PCDH9: variants seen among roughly 807,000 people sequenced by gnomAD.
The protein encoded by PCDH9 is protocadherin-9.
PCDH9 carries 24 observed loss-of-function variants against 70.6 expected under a neutral mutation model. The ratio of observed to expected loss-of-function variants is 0.34; its 90% CI spans 0.25 to 0.48. The LOEUF is 0.48. Ranked by LOEUF, PCDH9 falls within the 20% of genes least tolerant of loss-of-function variation. The probability of loss-of-function intolerance (pLI) is 0.99; values close to 1 mark genes in which losing one functional copy is unlikely to be tolerated. For synonymous variants in PCDH9, 562 were observed against 558.5 expected, an observed-to-expected ratio of 1.01 and a Z score of -0.09; for missense variants, 1,281 against 1,503.6, an observed-to-expected ratio of 0.85 and a Z score of 2.45.
intron 3 of PCDH9, among the ~76,000 whole-genome samples, chr13:66,806,171 C>T (rs1357693711): frequency 2.0e-5 from 3 of 152,042 alleles, no homozygotes; most frequent in African/African-American, 7.2e-5. Context: ...AACCTTCCAG[C>T]TAAAAATATG....
chr13:66,904,006 G>A (rs1053003724), intron 2 of PCDH9, among the ~76,000 whole-genome samples: 4 of 151,728 alleles, frequency 2.6e-5, no homozygotes, highest in African/African-American at 9.7e-5. Flanking sequence ...TCCACTTAAG[G>A]AAGAGGAGAC....
intron 3 of PCDH9, among the ~76,000 whole-genome samples, chr13:66,869,453 G>A (rs1032913250): frequency 3.9e-5 from 6 of 152,042 alleles, no homozygotes; most frequent in Admixed American, 2.6e-4. Flanking sequence ...AATTTCCTAA[G>A]GTTTTACACC....
At chr13:66,931,865 T>C (rs889811629) in intron 2 of PCDH9, among the ~76,000 whole-genome samples, 15 of 152,102 alleles carry the variant, frequency 9.9e-5, no homozygotes, top group Admixed American at 3.3e-4. Context: ...AAAACACTTA[T>C]GTTGCAAAGT....
chr13:67,067,857 G>A (rs1023994112), intron 2 of PCDH9, among the ~76,000 whole-genome samples: 2 of 151,952 alleles, frequency 1.3e-5, no homozygotes, highest in Non-Finnish European at 2.9e-5. Flanking sequence ...TCAGGTATAT[G>A]TAAGTGTTCT....
rs191790858 is a variant in PCDH9, at chr13:66,442,510, T to C, written c.3341-137482A>G. Among the ~76,000 whole-genome samples the C allele has an allele frequency of 2.0e-3, 310 of 152,192 alleles. 1 individual carries two copies. Among genetic ancestry groups the C allele is most frequent in the African/African-American group, 7.2e-3 (300 of 41,540 alleles). ...TTCTTTTCATAGAAAAAGGATACAA[T>C]GGAATAAATCTATGATGATAAAAAA... On this transcript the variant is annotated intron_variant, in intron 4 of 4. Transcript: ENST00000377865.
chr13:66,410,090 T>C (rs1264462107), intron 4 of PCDH9, among the ~76,000 whole-genome samples: 1 of 152,048 alleles, frequency 6.6e-6, no homozygotes, highest in African/African-American at 2.4e-5. Context: ...GTAACAAATA[T>C]AACAGTCAAG....
chr13:67,009,780 T>G (rs1416875017), intron 2 of PCDH9, among the ~76,000 whole-genome samples: 1 of 152,026 alleles, frequency 6.6e-6, no homozygotes, highest in East Asian at 1.9e-4. Context: ...ATACTTCGCA[T>G]TTAGTTAAGT....
At chr13:66,725,048 T>G (rs2078988303) in intron 3 of PCDH9, among the ~76,000 whole-genome samples, 1 of 152,112 alleles carries the variant, frequency 6.6e-6, no homozygotes, top group African/African-American at 2.4e-5. Context: ...AAATTCACAC[T>G]CAGAAATTTA....
At chr13:66,747,782 T>G (rs973219881) in intron 3 of PCDH9, among the ~76,000 whole-genome samples, 1 of 152,178 alleles carries the variant, frequency 6.6e-6, no homozygotes, top group Admixed American at 6.5e-5. Context: ...AGCACACATA[T>G]GTATATATAA....
intron 2 of PCDH9, among the ~76,000 whole-genome samples, chr13:67,053,424 G>A (rs1259864255): frequency 1.3e-5 from 2 of 152,164 alleles, no homozygotes; most frequent in Non-Finnish European, 2.9e-5. Flanking sequence ...GTATGGCACG[G>A]TTGATGGGGA....
At chr13:66,419,330 C>G (rs1316837679) in intron 4 of PCDH9, among the ~76,000 whole-genome samples, 2 of 151,982 alleles carry the variant, frequency 1.3e-5, no homozygotes, top group African/African-American at 4.8e-5. Context: ...TCCAACAGCA[C>G]ATTAAAAAGG....
chr13:66,696,685 A>G (rs909972518), intron 3 of PCDH9, among the ~76,000 whole-genome samples: 10 of 152,012 alleles, frequency 6.6e-5, no homozygotes, highest in African/African-American at 2.2e-4. Flanking sequence ...AAATGTTTGT[A>G]GTCACAACAT....
chr13:66,972,103 T>A (rs969199740), intron 2 of PCDH9, among the ~76,000 whole-genome samples: 2 of 151,978 alleles, frequency 1.3e-5, no homozygotes, highest in Non-Finnish European at 2.9e-5. Flanking sequence ...TATACTATTG[T>A]ACACTGATTC....
chr13:67,098,722 A>C (rs1016366512), intron 2 of PCDH9, among the ~76,000 whole-genome samples: 20 of 152,178 alleles, frequency 1.3e-4, no homozygotes, highest in Admixed American at 4.6e-4. Flanking sequence ...CAAATAAAGA[A>C]TAATGCAAAA....
In PCDH9 at chr13:66,577,698, T is replaced by C. The variant is rs74827395; in HGVS notation, c.3340+53512A>G. Among the ~76,000 whole-genome samples, 14 of 152,178 alleles carry C rather than the reference T, an allele frequency of 9.2e-5. 2 individuals carry two copies. In the South Asian group the frequency reaches 2.9e-3, roughly 32 times the overall value. On this transcript the variant is annotated intron_variant, in intron 4 of 4. Transcript: ENST00000377865. ...GCTTACTGATAGGAGATTGCTTTCA[T>C]ATTTTCTTAAGTTTTTCAGTTCCAC...
intron 4 of PCDH9, among the ~76,000 whole-genome samples, chr13:66,446,228 G>A (rs984240288): frequency 6.6e-6 from 1 of 151,896 alleles, no homozygotes; most frequent in Non-Finnish European, 1.5e-5. Context: ...CCAGTGTCCA[G>A]CTGGTTACCC....
intron 2 of PCDH9, among the ~76,000 whole-genome samples, chr13:66,917,367 G>C (rs1274745414): frequency 6.6e-6 from 1 of 151,388 alleles, no homozygotes; most frequent in Non-Finnish European, 1.5e-5. Context: ...TACCATCTTT[G>C]AGAAGCCTGA....
At position 67,200,455 on chromosome 13, in the gene PCDH9, A is replaced by G. The variant is rs559850397; in HGVS notation, c.3036+24950T>C. 8.5e-5 allele frequency among the ~76,000 whole-genome samples: 13 copies of G among 152,194 alleles called. 1 individual carries two copies. The South Asian group carries it at 2.7e-3, about 32-fold the overall frequency. Reference sequence around the variant, plus strand: ...GGGTTTGTGCTCAACCCAGGAATCTAAATTTTCTTAGCAAAATAAGTGAAT... The same window carrying G: ...GGGTTTGTGCTCAACCCAGGAATCTGAATTTTCTTAGCAAAATAAGTGAAT... On this transcript the variant is annotated intron_variant, in intron 2 of 4. Coordinates refer to ENST00000377865, the MANE Select transcript of PCDH9 (RefSeq NM_203487.3).
intron 3 of PCDH9, among the ~76,000 whole-genome samples, chr13:66,666,205 G>A (rs1049625750): frequency 3.3e-5 from 5 of 152,190 alleles, no homozygotes; most frequent in African/African-American, 1.2e-4. Context: ...AACAGAGCAG[G>A]TCAAACGTGG....
Sources: gnomAD v4.1 joint callset for allele counts (sites outside exome capture counted in the v4.1 genomes callset) on GRCh38, gnomAD v4.1.1 for gene constraint, MANE v1.5 for transcripts, NCBI Gene and HGNC (gene_info 2026-07-23, HGNC 2026-07-21) for gene names.